WDR7: variants seen among roughly 807,000 people sequenced by gnomAD.
WDR7 encodes WD repeat-containing protein 7.
A neutral mutation model predicts 169.4 loss-of-function variants in WDR7; 46 were observed. The ratio of observed to expected loss-of-function variants is 0.27; its 90% CI spans 0.21 to 0.35. WDR7 has a LOEUF of 0.35. Among genes scored for constraint, WDR7 ranks in the 10% least tolerant of loss-of-function variants. The pLI, the probability that WDR7 is intolerant of heterozygous loss-of-function variation, is 1.00. For synonymous variants in WDR7, 612 were observed against 666.8 expected (o/e 0.92, Z 1.27); for missense variants, 1,534 against 1,859.3 (o/e 0.83, Z 3.22).
intron 19 of WDR7, among the ~76,000 whole-genome samples, chr18:56,790,291 A>G (rs552922616): frequency 6.6e-6 from 1 of 152,314 alleles, no homozygotes; most frequent in Non-Finnish European, 1.5e-5. Flanking sequence ...TACCACTTAG[A>G]CACTGAATAT....
intron 1 of WDR7, among the ~76,000 whole-genome samples, chr18:56,656,126 G>A (rs1027882870): frequency 6.6e-6 from 1 of 152,092 alleles, no homozygotes; most frequent in East Asian, 1.9e-4. Context: ...CAGGGACATG[G>A]TTGCTGGATG....
chr18:56,837,597 A>G (rs17090376), intron 20 of WDR7, among the ~76,000 whole-genome samples: 2,637 of 152,344 alleles, frequency 0.017, 68 homozygotes, highest in African/African-American at 0.058. Flanking sequence ...AGATATTGAA[A>G]GATTTTGATT....
rs569800510 is a variant in WDR7, at chr18:56,867,031, T to G, written c.3305-12913T>G. 2.0e-5 allele frequency among the ~76,000 whole-genome samples: 3 copies of G among 152,050 alleles called. No homozygotes were observed. In the South Asian group the frequency reaches 6.3e-4, roughly 32 times the overall value. Reference sequence around the variant, plus strand: ...CTTACTTATTTATTTATTTATTTATTTATTTATTTTTGAGGCAGGGTCTCA... The same window carrying G: ...CTTACTTATTTATTTATTTATTTATGTATTTATTTTTGAGGCAGGGTCTCA... On this transcript the variant is annotated intron_variant, in intron 20 of 27. Coordinates refer to ENST00000254442, the MANE Select transcript of WDR7 (RefSeq NM_015285.3).
intron 14 of WDR7, among the ~76,000 whole-genome samples, chr18:56,742,721 G>T (rs1429593759): frequency 1.3e-5 from 2 of 152,168 alleles, no homozygotes; most frequent in African/African-American, 4.8e-5. Flanking sequence ...ATTAGGACTG[G>T]CTTCTTGGAG....
intron 20 of WDR7, among the ~76,000 whole-genome samples, chr18:56,840,163 G>A (rs1030060709): frequency 6.6e-6 from 1 of 152,120 alleles, no homozygotes; most frequent in African/African-American, 2.4e-5. Context: ...TTTATTAGGA[G>A]AGGAAGAGGG....
chr18:56,881,700 C>A (rs1356487209), intron 21 of WDR7, among the ~76,000 whole-genome samples: 1 of 152,090 alleles, frequency 6.6e-6, no homozygotes, highest in East Asian at 1.9e-4. Flanking sequence ...AACCTCCTGC[C>A]TCAGCCTCCC....
At chr18:57,024,575 T>TACAGGATTTCAC (rs2048333800) in intron 27 of WDR7, among the ~76,000 whole-genome samples, 1 of 143,076 alleles carries the variant, frequency 7.0e-6, no homozygotes, top group South Asian at 2.3e-4. Context: ...TTATGTCCCT[T>TACAGGATTTCAC]ATAGAATTTC....
chr18:57,010,308 G>A (rs1311787020), intron 26 of WDR7: 1 of 982,200 alleles, frequency 1.0e-6, no homozygotes, highest in African/African-American at 1.8e-5. Context: ...TATGAGCAGT[G>A]TAAATATTTG....
At chr18:56,892,052 C>T (rs1337446210) in intron 21 of WDR7, among the ~76,000 whole-genome samples, 3 of 152,062 alleles carry the variant, frequency 2.0e-5, no homozygotes, top group African/African-American at 7.2e-5. Context: ...CCCTGCCTGT[C>T]TTGATGATGT....
intron 26 of WDR7, among the ~76,000 whole-genome samples, chr18:57,003,602 T>A (rs1787456): frequency 6.6e-6 from 1 of 151,934 alleles, no homozygotes; most frequent in Admixed American, 6.5e-5. Flanking sequence ...GGGATTAATC[T>A]AGTATTAAAT....
intron 1 of WDR7, among the ~76,000 whole-genome samples, chr18:56,669,768 A>T (rs1389522846): frequency 1.3e-5 from 2 of 152,056 alleles, no homozygotes; most frequent in Non-Finnish European, 2.9e-5. Context: ...CACTTTCCAT[A>T]AAAATATAAT....
chr18:57,023,210 T>C (rs1297109258), intron 27 of WDR7, among the ~76,000 whole-genome samples: 5 of 152,230 alleles, frequency 3.3e-5, no homozygotes, highest in African/African-American at 1.2e-4. Flanking sequence ...AAAAACAGTA[T>C]TAGATCTACT....
intron 12 of WDR7, among the ~76,000 whole-genome samples, chr18:56,696,854 G>A (rs2025715909): frequency 6.6e-6 from 1 of 151,938 alleles, no homozygotes; most frequent in African/African-American, 2.4e-5. Context: ...TATATATGTT[G>A]GTAAAGGCAA....
chr18:56,878,222 C>A (rs1049581822), intron 20 of WDR7, among the ~76,000 whole-genome samples: 2 of 152,158 alleles, frequency 1.3e-5, no homozygotes, highest in African/African-American at 4.8e-5. Flanking sequence ...TCCTTCTAAT[C>A]TTTCTTCTGA....
chr18:56,993,252 C>A (rs1177271865), intron 26 of WDR7, among the ~76,000 whole-genome samples: 1 of 152,136 alleles, frequency 6.6e-6, no homozygotes, highest in Non-Finnish European at 1.5e-5. Flanking sequence ...ATTCTTATAG[C>A]AAGAATTTGG....
At chr18:56,892,949 A>G (rs2046284022) in intron 21 of WDR7, among the ~76,000 whole-genome samples, 1 of 152,094 alleles carries the variant, frequency 6.6e-6, no homozygotes, top group Non-Finnish European at 1.5e-5. Flanking sequence ...AACATACAAT[A>G]TTTATAAGTA....
At chr18:56,691,065 C>G (rs750405355) in intron 7 of WDR7, 151 bp from the exon 8 acceptor site, 6 of 1,076,428 alleles carry the variant, frequency 5.6e-6, no homozygotes, top group Non-Finnish European at 7.9e-6. Context: ...GTGACCTCTC[C>G]CAGGGCTTAT....
chr18:56,864,608 G>T (rs1000724584), intron 20 of WDR7, among the ~76,000 whole-genome samples: 2 of 151,600 alleles, frequency 1.3e-5, no homozygotes, highest in Non-Finnish European at 3.0e-5. Context: ...AGATCATTCT[G>T]TGTTATGTAT....
intron 25 of WDR7, 52 bp downstream of exon 25, chr18:56,939,445 AT>A: frequency 7.1e-7 from 1 of 1,412,996 alleles, no homozygotes; most frequent in South Asian, 1.5e-5. Context: ...GTAACAAATA[AT>A]TTTAAAAATT....
Sources: allele counts gnomAD v4.1 joint callset (sites outside exome capture counted in the v4.1 genomes callset), GRCh38; gene constraint gnomAD v4.1.1; transcripts MANE v1.5; gene names NCBI Gene and HGNC (gene_info 2026-07-23, HGNC 2026-07-21).